The following DPY19L3 variants were observed in gnomAD, a reference collection of about 807,000 sequenced individuals.
DPY19L3 encodes the protein dpy-19 like C-mannosyltransferase 3.
A neutral mutation model predicts 92.3 loss-of-function variants in DPY19L3; 51 were observed. That is an observed-to-expected ratio of 0.55 (90% CI 0.44 to 0.70). The LOEUF (loss-of-function observed/expected upper bound fraction) is 0.70, where lower values mean the gene tolerates loss of function less well. DPY19L3 is among the 30% of genes least tolerant of loss of function. The probability of loss-of-function intolerance (pLI) is 0.00; values close to 1 mark genes in which losing one functional copy is unlikely to be tolerated. For synonymous variants in DPY19L3, 309 were observed against 315.2 expected (o/e 0.98, Z 0.21); for missense variants, 706 against 855.9 (o/e 0.82, Z 2.18).
At chr19:32,477,677 C>T (rs1379484872) in intron 17 of DPY19L3, 23 bp downstream of exon 17, 2 of 1,613,320 alleles carry the variant, frequency 1.2e-6, no homozygotes, top group Non-Finnish European at 1.7e-6. Context: ...AGTGCCTCCC[C>T]TCGCTTCTTG....
At chr19:32,442,505 A>G (rs1452105648) in intron 8 of DPY19L3, among the ~76,000 whole-genome samples, 2 of 152,184 alleles carry the variant, frequency 1.3e-5, no homozygotes, top group Admixed American at 6.5e-5. Flanking sequence ...TAGACAGTAT[A>G]TGTATATAAC....
chr19:32,434,487 T>C (rs1241108143), intron 4 of DPY19L3, among the ~76,000 whole-genome samples: 2 of 152,076 alleles, frequency 1.3e-5, no homozygotes, highest in Non-Finnish European at 2.9e-5. Flanking sequence ...AGAAACCCCA[T>C]CTCTACTAAA....
intron 1 of DPY19L3, among the ~76,000 whole-genome samples, chr19:32,406,907 C>T (rs978083133): frequency 2.6e-5 from 4 of 151,862 alleles, no homozygotes; most frequent in African/African-American, 7.3e-5. Flanking sequence ...CCATCTGTGG[C>T]TGTAGGACTT....
At chr19:32,409,742 C>T (rs1968111523) in intron 2 of DPY19L3, among the ~76,000 whole-genome samples, 1 of 152,144 alleles carries the variant, frequency 6.6e-6, no homozygotes, top group African/African-American at 2.4e-5. Context: ...CCAGGGAACA[C>T]AGGATGTCAG....
In DPY19L3 at chr19:32,437,065, G is replaced by C. The variant is rs1009305410; in HGVS notation, c.451-129G>C. ...CGAACGCTTCTCTAATAGATGAAAGGGGTGTGGGCTTGCTGCTTGGAATTA... is the reference window on the plus strand; with the variant it reads ...CGAACGCTTCTCTAATAGATGAAAGCGGTGTGGGCTTGCTGCTTGGAATTA... On this transcript the variant is annotated intron_variant, in intron 5 of 18. Transcript: ENST00000392250. 3 of 1,058,826 alleles carry C rather than the reference G, an allele frequency of 2.8e-6. No individual in the cohort carries two copies. The East Asian group carries it at 7.4e-5, about 26-fold the overall frequency. 65.6% of individuals were successfully genotyped at this position (1,058,826 alleles called of 1,614,324 possible). A position where few individuals can be genotyped will look rare whatever the true frequency, so the allele number is the denominator to read the frequency against.
At position 32,482,118 on chromosome 19, in the gene DPY19L3, C is replaced by A. The variant is rs753253862; in HGVS notation, c.2029C>A (p.Pro677Thr). The A allele has an allele frequency of 6.2e-7, 1 of 1,613,812 alleles. No homozygotes were observed. Among genetic ancestry groups the A allele is most frequent in the Non-Finnish European group, 8.5e-7 (1 of 1,179,826 alleles). ...AGGAGAGAATGATCCTGATTTGAAACCTGCAGACCACCCTCGCTTCTGTGA... is the reference window on the plus strand; with the variant it reads ...AGGAGAGAATGATCCTGATTTGAAAACTGCAGACCACCCTCGCTTCTGTGA... Reference protein sequence around the residue: ...GPGENDPDLKPADHPRFCEEI... With the variant: ...GPGENDPDLKTADHPRFCEEI... Residue 677 changes from proline to threonine, a missense_variant, in exon 19 of 19, where the codon CCT (proline) becomes ACT (threonine). Pro to Thr is a conservative substitution (Grantham distance 38, BLOSUM62 -1). Transcript: ENST00000392250.
At chr19:32,436,678 A>G (rs1969150701) in intron 5 of DPY19L3, 111 bp downstream of exon 5, 4 of 983,980 alleles carry the variant, frequency 4.1e-6, no homozygotes, top group Non-Finnish European at 5.7e-6. Context: ...TTAGTAGAAA[A>G]TCAGCAATAC....
At chr19:32,443,349 T>G (rs1413478528) in intron 8 of DPY19L3, among the ~76,000 whole-genome samples, 1 of 152,206 alleles carries the variant, frequency 6.6e-6, no homozygotes, top group Non-Finnish European at 1.5e-5. Context: ...TGGCATAGTT[T>G]GAATGTTTTT....
rs1970703785 is a variant in DPY19L3, at chr19:32,482,471, TAAC to T, written c.*235_*237del. The T allele has an allele frequency of 2.1e-6, 1 of 470,012 alleles. No individual in the cohort carries two copies. Among genetic ancestry groups the T allele is most frequent in the African/African-American group, 2.0e-5 (1 of 50,290 alleles). 29.1% of individuals were successfully genotyped at this position (470,012 alleles called of 1,614,324 possible). A position where few individuals can be genotyped will look rare whatever the true frequency, so the allele number is the denominator to read the frequency against. ...CATTAATGTTCTTTAGCCTAAATGT[TAAC>T]AACTTTCTAAGAGTGACCTAGAATT... On this transcript the variant is annotated 3_prime_UTR_variant, in exon 19 of 19. Coordinates refer to ENST00000392250, the MANE Select transcript of DPY19L3 (RefSeq NM_001172774.2).
chr19:32,412,575 T>C (rs1240366866), intron 3 of DPY19L3: 1 of 152,112 alleles, frequency 6.6e-6, no homozygotes. Flanking sequence ...GCAAGTGGTT[T>C]TGCAGGGCAT....
intron 3 of DPY19L3, among the ~76,000 whole-genome samples, chr19:32,427,667 T>C (rs2145455430): frequency 6.6e-6 from 1 of 152,332 alleles, no homozygotes; most frequent in South Asian, 2.1e-4. Context: ...TCACAAGCCC[T>C]GCTTGGCACT....
At chr19:32,417,216 T>A (rs12978929) in intron 3 of DPY19L3, among the ~76,000 whole-genome samples, 2,173 of 152,294 alleles carry the variant, frequency 0.014, 24 homozygotes, top group Non-Finnish European at 0.021. Flanking sequence ...TTCCCATAAT[T>A]CCCACATGTT....
intron 4 of DPY19L3, among the ~76,000 whole-genome samples, chr19:32,436,055 A>G (rs866602217): frequency 6.6e-6 from 1 of 152,380 alleles, no homozygotes; most frequent in Middle Eastern, 3.4e-3. Flanking sequence ...GTTAGAGCAC[A>G]TGGCCAAAGC....
chr19:32,464,635 C>T, intron 14 of DPY19L3, 93 bp from the exon 15 acceptor site: 3 of 740,326 alleles, frequency 4.1e-6, no homozygotes, highest in Non-Finnish European at 6.3e-6. Context: ...CCAAGAATTC[C>T]AGGCCAGCCT....
Position 32,461,744 on chromosome 19 carries a change from G to A in DPY19L3, c.1323-1622G>A, listed in dbSNP as rs190152712. 2.2e-3 allele frequency among the ~76,000 whole-genome samples: 337 copies of A among 152,304 alleles called. 6 individuals carry two copies. In the South Asian group the frequency reaches 0.034, roughly 15 times the overall value. On this transcript the variant is annotated intron_variant, in intron 12 of 18. Transcript: ENST00000392250. The stretch of plus-strand genomic sequence containing the variant: ...GTATGTGCCCAGTTCTATTGGGTAT[G>A]TATGAAGGGATCAGTAGACCTTCAT...
chr19:32,468,660 A>T, intron 15 of DPY19L3, 71 bp from the exon 16 acceptor site: 2 of 1,574,780 alleles, frequency 1.3e-6, no homozygotes, highest in Admixed American at 3.9e-5. Context: ...TCTTTTTTTC[A>T]TTTAATCTTA....
Position 32,453,084 on chromosome 19 carries a change from G to A in DPY19L3, c.856-61G>A, listed in dbSNP as rs1011874734. ...GGTGTATCCACCTCATGACCAACAT[G>A]TCGACATGTGATGATCTCTTGGTAA... On this transcript the variant is annotated intron_variant, in intron 8 of 18. Transcript: ENST00000392250. 3.8e-6 allele frequency: 6 copies of A among 1,592,018 alleles called. No individual in the cohort carries two copies. In the South Asian group the frequency reaches 5.6e-5, roughly 15 times the overall value.
At chr19:32,420,854 A>T (rs1968545540) in intron 3 of DPY19L3, among the ~76,000 whole-genome samples, 1 of 152,198 alleles carries the variant, frequency 6.6e-6, no homozygotes, top group Admixed American at 6.5e-5. Context: ...ACAATGATGA[A>T]AAATTTTAAA....
chr19:32,409,354 T>C (rs375208573), intron 2 of DPY19L3, among the ~76,000 whole-genome samples: 1 of 152,358 alleles, frequency 6.6e-6, no homozygotes, highest in Admixed American at 6.5e-5. Context: ...GTTATGAACA[T>C]GTCATAAGCC....
Sources: allele counts gnomAD v4.1 joint callset (sites outside exome capture counted in the v4.1 genomes callset), GRCh38; gene constraint gnomAD v4.1.1; transcripts MANE v1.5; gene names NCBI Gene and HGNC (gene_info 2026-07-23, HGNC 2026-07-21).